Variants in SNX24 observed in about 807,000 individuals in gnomAD.
SNX24 encodes the protein sorting nexin 24.
Under a neutral mutation model 28.7 loss-of-function variants are expected in SNX24, and 22 were observed. The ratio of observed to expected loss-of-function variants is 0.77; its 90% CI spans 0.55 to 1.10. The LOEUF is 1.10. Among genes scored for constraint, SNX24 ranks in the 50% least tolerant of loss-of-function variants. SNX24 has a pLI of 0.00. For synonymous variants in SNX24, 69 were observed against 71.5 expected (o/e 0.96, Z 0.18); for missense variants, 221 against 201.1 (o/e 1.10, Z -0.60).
chr5:122,990,859 A>G (rs1581840926), intron 3 of SNX24, among the ~76,000 whole-genome samples: 2 of 152,256 alleles, frequency 1.3e-5, no homozygotes, highest in East Asian at 3.9e-4. Flanking sequence ...GGTTTCTCTT[A>G]CAGGTACGTA....
At chr5:122,861,630 C>T (rs1156694962) in intron 1 of SNX24, among the ~76,000 whole-genome samples, 1 of 152,080 alleles carries the variant, frequency 6.6e-6, no homozygotes, top group Non-Finnish European at 1.5e-5. Flanking sequence ...TCTCAGATCC[C>T]ATGTAATTTG....
Position 122,849,846 on chromosome 5 carries a change from T to A in SNX24, c.60+4153T>A, listed in dbSNP as rs879479365. 3.2e-4 allele frequency among the ~76,000 whole-genome samples: 49 copies of A among 152,306 alleles called. No individual in the cohort carries two copies. The South Asian group carries it at 3.5e-3, about 11-fold the overall frequency. On this transcript the variant is annotated intron_variant, in intron 1 of 6. Transcript: ENST00000261369. ...AATACAGAATTCAGTACATGTCTGT[T>A]GAATGAATAATGAGTGATGTAATCT...
chr5:123,025,713 T>G (rs534116561), intron 5 of SNX24: 1 of 1,474,578 alleles, frequency 6.8e-7, no homozygotes, highest in African/African-American at 1.4e-5. Context: ...ATTTTAAGAT[T>G]AAAATAAATC....
At chr5:122,973,900 C>G (rs973477094) in intron 3 of SNX24, among the ~76,000 whole-genome samples, 2 of 152,162 alleles carry the variant, frequency 1.3e-5, no homozygotes, top group African/African-American at 4.8e-5. Flanking sequence ...GCCAAAGTAT[C>G]CCTATCTGCC....
chr5:122,859,681 A>G (rs928253630), intron 1 of SNX24, among the ~76,000 whole-genome samples: 4 of 152,212 alleles, frequency 2.6e-5, no homozygotes, highest in Non-Finnish European at 4.4e-5. Flanking sequence ...TGAACCAAAT[A>G]TGAGTGACCA....
intron 1 of SNX24, among the ~76,000 whole-genome samples, chr5:122,853,515 G>A (rs1353420883): frequency 1.3e-5 from 2 of 152,170 alleles, no homozygotes; most frequent in East Asian, 1.9e-4. Context: ...ATTCATTTAA[G>A]AATTAAAATA....
At chr5:123,023,708 C>G in intron 5 of SNX24, 1 of 1,117,606 alleles carries the variant, frequency 8.9e-7, no homozygotes, top group Non-Finnish European at 1.2e-6. Flanking sequence ...TTCAAGCAAA[C>G]TAAAGGGTGA....
intron 5 of SNX24, chr5:123,029,089 C>A (rs900087528): frequency 2.1e-6 from 2 of 940,154 alleles, no homozygotes; most frequent in Non-Finnish European, 3.1e-6. Flanking sequence ...TAAAAGAGAG[C>A]AAACCATATT....
chr5:122,933,200 C>G (rs1396012156), intron 1 of SNX24, among the ~76,000 whole-genome samples: 1 of 152,212 alleles, frequency 6.6e-6, no homozygotes, highest in Non-Finnish European at 1.5e-5. Flanking sequence ...GCTTCTGAGT[C>G]AAGAACCTTC....
chr5:122,995,119 G>A (rs1762006667), intron 3 of SNX24, among the ~76,000 whole-genome samples: 1 of 152,168 alleles, frequency 6.6e-6, no homozygotes, highest in South Asian at 2.1e-4. Flanking sequence ...CAATTAAAGA[G>A]TCCAGGATAT....
At chr5:123,026,375 A>G (rs925440894) in intron 5 of SNX24, among the ~76,000 whole-genome samples, 1 of 152,184 alleles carries the variant, frequency 6.6e-6, no homozygotes, top group Non-Finnish European at 1.5e-5. Context: ...AGCTCAGGAC[A>G]GTCCTGTGAC....
chr5:122,996,033 T>C (rs1270669682), intron 3 of SNX24, among the ~76,000 whole-genome samples: 2 of 152,182 alleles, frequency 1.3e-5, no homozygotes, highest in African/African-American at 4.8e-5. Flanking sequence ...TTTAGAATAA[T>C]ATATAGAAGA....
chr5:122,882,462 C>G (rs995644545), intron 1 of SNX24, among the ~76,000 whole-genome samples: 1 of 152,188 alleles, frequency 6.6e-6, no homozygotes, highest in Non-Finnish European at 1.5e-5. Context: ...TGGACTTGGT[C>G]GCATCTCAGT....
rs2150181753 is a variant in SNX24, at chr5:123,008,248, T to C, written c.*499T>C. The C allele has an allele frequency of 1.0e-6, 1 of 985,134 alleles. No individual in the cohort carries two copies. 61.0% of individuals were successfully genotyped at this position (985,134 alleles called of 1,614,324 possible). A position where few individuals can be genotyped will look rare whatever the true frequency, so the allele number is the denominator to read the frequency against. ...CCAGGAGACGGCCACAGACACACAC[T>C]GCTAAATGTGAAGATGGAACTAAAC... On this transcript the variant is annotated 3_prime_UTR_variant, in exon 7 of 7. Coordinates refer to ENST00000261369, the MANE Select transcript of SNX24 (RefSeq NM_014035.4).
chr5:123,020,736 G>T (rs1012177190), intron 5 of SNX24, among the ~76,000 whole-genome samples: 1 of 143,912 alleles, frequency 6.9e-6, no homozygotes, highest in Admixed American at 7.1e-5. Flanking sequence ...TTAGCTTTGG[G>T]CACAGCTGGA....
intron 3 of SNX24, among the ~76,000 whole-genome samples, chr5:122,957,503 C>A (rs1000367293): frequency 3.3e-5 from 5 of 151,844 alleles, no homozygotes; most frequent in Admixed American, 3.3e-4. Context: ...ATTTGAGGGC[C>A]CCTTGAAGTT....
intron 5 of SNX24, chr5:123,023,920 C>T: frequency 6.2e-7 from 1 of 1,614,050 alleles, no homozygotes; most frequent in Non-Finnish European, 8.5e-7. Flanking sequence ...TCACGTCTAT[C>T]TTGCCACTGT....
At chr5:122,849,686 C>T (rs539167304) in intron 1 of SNX24, among the ~76,000 whole-genome samples, 1 of 152,188 alleles carries the variant, frequency 6.6e-6, no homozygotes, top group South Asian at 2.1e-4. Flanking sequence ...AATGTTACTT[C>T]CTGGGGAGAT....
chr5:122,932,659 GGAGATA>G (rs908314003), intron 1 of SNX24, among the ~76,000 whole-genome samples: 6 of 151,988 alleles, frequency 3.9e-5, no homozygotes, highest in African/African-American at 1.4e-4. Flanking sequence ...CACAAGGTCA[GGAGATA>G]GAGACCACCG....
Sources: allele counts gnomAD v4.1 joint callset (sites outside exome capture counted in the v4.1 genomes callset), GRCh38; gene constraint gnomAD v4.1.1; transcripts MANE v1.5; gene names NCBI Gene and HGNC (gene_info 2026-07-23, HGNC 2026-07-21).